The following XKR9 variants were observed in gnomAD, a reference collection of about 807,000 sequenced individuals.
The protein encoded by XKR9 is XK-related protein 9.
XKR9 carries 32 observed loss-of-function variants against 32.0 expected under a neutral mutation model. That is an observed-to-expected ratio of 1.00 (90% CI 0.76 to 1.34). The LOEUF is 1.34. Among genes scored for constraint, XKR9 ranks in the 40% most tolerant of loss-of-function variants. The pLI, the probability that XKR9 is intolerant of heterozygous loss-of-function variation, is 0.00. For synonymous variants in XKR9, 168 were observed against 143.4 expected, an observed-to-expected ratio of 1.17 and a Z score of -1.22; for missense variants, 546 against 429.7, an observed-to-expected ratio of 1.27 and a Z score of -2.39.
chr8:71,053,071 T>C, the XKR9 span, among the ~76,000 whole-genome samples: 2 of 152,238 alleles, frequency 1.3e-5, no homozygotes, highest in African/African-American at 4.8e-5. Flanking sequence ...AGCTAGGAAA[T>C]TGTGCAAATG....
At chr8:71,058,887 T>A in the XKR9 span, among the ~76,000 whole-genome samples, 3 of 152,342 alleles carry the variant, frequency 2.0e-5, 1 homozygote, top group East Asian at 3.9e-4. Context: ...AATATTTAAA[T>A]GCATCCTCAT....
At chr8:70,999,963 T>G in the XKR9 span, among the ~76,000 whole-genome samples, 1 of 152,226 alleles carries the variant, frequency 6.6e-6, no homozygotes, top group Non-Finnish European at 1.5e-5. Flanking sequence ...AGATATCTTT[T>G]AAAATGAATC....
At chr8:70,700,908 C>A (rs1464469757) in intron 3 of XKR9, among the ~76,000 whole-genome samples, 1 of 152,220 alleles carries the variant, frequency 6.6e-6, no homozygotes, top group Non-Finnish European at 1.5e-5. Flanking sequence ...CCTCCCCCAG[C>A]CTTGCTGCTG....
chr8:71,044,805 A>G, the XKR9 span, among the ~76,000 whole-genome samples: 2 of 152,360 alleles, frequency 1.3e-5, no homozygotes, highest in African/African-American at 4.8e-5. Flanking sequence ...ATAAATAGGC[A>G]TGTATGTAAA....
At chr8:70,998,399 G>A in the XKR9 span, among the ~76,000 whole-genome samples, 1 of 152,162 alleles carries the variant, frequency 6.6e-6, no homozygotes, top group Non-Finnish European at 1.5e-5. Flanking sequence ...AGAGCATAGG[G>A]ACTATCCTTT....
chr8:70,846,586 G>A, the XKR9 span, among the ~76,000 whole-genome samples: 5 of 151,664 alleles, frequency 3.3e-5, no homozygotes, highest in Non-Finnish European at 5.9e-5. Flanking sequence ...ATATAGATTG[G>A]CTGAATGAAT....
chr8:70,978,678 C>CT, the XKR9 span, among the ~76,000 whole-genome samples: 1 of 152,126 alleles, frequency 6.6e-6, no homozygotes, highest in Non-Finnish European at 1.5e-5. Flanking sequence ...TTTTGTCCTT[C>CT]ATTTCAACCT....
the XKR9 span, among the ~76,000 whole-genome samples, chr8:70,882,226 A>G: frequency 2.0e-5 from 3 of 152,192 alleles, no homozygotes; most frequent in South Asian, 6.2e-4. Context: ...AAACTTGCAC[A>G]TTGTGCACAT....
the XKR9 span, among the ~76,000 whole-genome samples, chr8:70,983,511 T>A: frequency 5.3e-5 from 8 of 152,196 alleles, no homozygotes; most frequent in African/African-American, 1.9e-4. Context: ...CCGGGCACAG[T>A]GGCTAATGCC....
chr8:71,054,818 G>A, the XKR9 span, among the ~76,000 whole-genome samples: 1 of 152,124 alleles, frequency 6.6e-6, no homozygotes, highest in Non-Finnish European at 1.5e-5. Context: ...TCTAAATTAA[G>A]CAACTCTGCG....
chr8:70,836,133 T>C, the XKR9 span, among the ~76,000 whole-genome samples: 64 of 152,226 alleles, frequency 4.2e-4, no homozygotes, highest in African/African-American at 1.5e-3. Flanking sequence ...GATGTCTGAA[T>C]TGTAGACATT....
intron 4 of XKR9, among the ~76,000 whole-genome samples, chr8:70,712,705 AC>A (rs1805960104): frequency 6.6e-6 from 1 of 152,150 alleles, no homozygotes; most frequent in Non-Finnish European, 1.5e-5. Context: ...AGTCCAAAAA[AC>A]AAACAAAATA....
intron 3 of XKR9, among the ~76,000 whole-genome samples, chr8:70,705,207 C>T (rs561666364): frequency 7.0e-6 from 1 of 143,424 alleles, no homozygotes; most frequent in Admixed American, 6.8e-5. Context: ...TTTATTACTT[C>T]AGTAAATATT....
chr8:70,740,468 C>T (rs1321118008), downstream of XKR9, among the ~76,000 whole-genome samples: 1 of 152,216 alleles, frequency 6.6e-6, no homozygotes, highest in Non-Finnish European at 1.5e-5. Context: ...TCTCTCAACT[C>T]GTCAAAGTCA....
chr8:70,983,172 AG>A, the XKR9 span, among the ~76,000 whole-genome samples: 1 of 152,226 alleles, frequency 6.6e-6, no homozygotes, highest in Non-Finnish European at 1.5e-5. Flanking sequence ...CAAGGACTTC[AG>A]TGATTACTTC....
chr8:70,743,932 C>T (rs1902614), intron 2 of XKR9, among the ~76,000 whole-genome samples: 61,233 of 151,672 alleles, frequency 0.4, 13,887 homozygotes, highest in Non-Finnish European at 0.52. Context: ...GAGGTAATTA[C>T]CAGTGTTTTG....
intron 2 of XKR9, among the ~76,000 whole-genome samples, chr8:70,746,914 C>T (rs1479084351): frequency 6.6e-6 from 1 of 152,130 alleles, no homozygotes; most frequent in South Asian, 2.1e-4. Context: ...CCTTGCCCTC[C>T]TCCCTGTCTT....
chr8:70,894,849 CT>C, the XKR9 span, among the ~76,000 whole-genome samples: 1 of 152,130 alleles, frequency 6.6e-6, no homozygotes, highest in Non-Finnish European at 1.5e-5. Flanking sequence ...CAGCTTGGGG[CT>C]GTTGGGACAC....
chr8:70,968,158 T>C, the XKR9 span, among the ~76,000 whole-genome samples: 15 of 152,232 alleles, frequency 9.9e-5, no homozygotes, highest in African/African-American at 3.4e-4. Flanking sequence ...TTCTCTATTC[T>C]TGTCTGCCTG....
Sources: allele counts gnomAD v4.1 joint callset (sites outside exome capture counted in the v4.1 genomes callset), GRCh38; gene constraint gnomAD v4.1.1; transcripts MANE v1.5; gene names NCBI Gene and HGNC (gene_info 2026-07-23, HGNC 2026-07-21).